YWHAQ: variants seen among roughly 807,000 people sequenced by gnomAD.
YWHAQ encodes the protein tyrosine 3-monooxygenase/tryptophan 5-monooxygenase activation protein theta, also known as 14-3-3 protein theta.
A neutral mutation model predicts 28.3 loss-of-function variants in YWHAQ; 6 were observed. The observed-to-expected ratio is 0.21, with a 90% confidence interval of 0.12 to 0.42. The LOEUF (loss-of-function observed/expected upper bound fraction) is 0.42, where lower values mean the gene tolerates loss of function less well. YWHAQ is among the 10% of genes least tolerant of loss of function. The pLI is 1.00. For synonymous variants in YWHAQ, 143 were observed against 119.1 expected, an observed-to-expected ratio of 1.20 and a Z score of -1.31; for missense variants, 201 against 305.6, an observed-to-expected ratio of 0.66 and a Z score of 2.55.
intron 2 of YWHAQ, among the ~76,000 whole-genome samples, chr2:9,616,796 C>T (rs1667049510): frequency 6.6e-6 from 1 of 152,206 alleles, no homozygotes; most frequent in Non-Finnish European, 1.5e-5. Flanking sequence ...CTTCGGAAAA[C>T]AATCTGGCAG....
At chr2:9,627,742 A>G (rs1207056954) in intron 2 of YWHAQ, among the ~76,000 whole-genome samples, 1 of 152,112 alleles carries the variant, frequency 6.6e-6, no homozygotes, top group East Asian at 1.9e-4. Context: ...ATCTTCTATA[A>G]ATGATGATGG....
intron 2 of YWHAQ, among the ~76,000 whole-genome samples, chr2:9,623,184 A>C (rs907097370): frequency 2.0e-5 from 3 of 152,224 alleles, no homozygotes; most frequent in Non-Finnish European, 4.4e-5. Context: ...CATACATCCA[A>C]TACTGAACAA....
intron 2 of YWHAQ, among the ~76,000 whole-genome samples, chr2:9,618,273 A>G (rs967999786): frequency 2.0e-5 from 3 of 152,240 alleles, no homozygotes; most frequent in Non-Finnish European, 4.4e-5. Context: ...ATTTTAAAAT[A>G]TATGTAAACT....
At chr2:9,608,698 C>T (rs961024592) in intron 2 of YWHAQ, among the ~76,000 whole-genome samples, 1 of 152,194 alleles carries the variant, frequency 6.6e-6, no homozygotes, top group Non-Finnish European at 1.5e-5. Context: ...CCTGTAATCC[C>T]AACATTTTGG....
chr2:9,607,353 C>A (rs1666852280), intron 2 of YWHAQ, among the ~76,000 whole-genome samples: 1 of 151,516 alleles, frequency 6.6e-6, no homozygotes, highest in Non-Finnish European at 1.5e-5. Context: ...AGGCACATAC[C>A]ACCATGCCCA....
chr2:9,630,945 A>C lies in YWHAQ; in HGVS notation c.-87T>G, dbSNP rs1366784041. 6.6e-6 allele frequency: 1 copy of C among 152,484 alleles called. No homozygotes were observed. The highest frequency in any genetic ancestry group is 2.1e-4 in the South Asian group (1 of 4,838). 9.4% of individuals were successfully genotyped at this position (152,484 alleles called of 1,614,324 possible). The stretch of plus-strand genomic sequence containing the variant: ...CGGGCCGACCCAGGCGCTCACCTTC[A>C]CGTCTCCGCGGCCGCGACGCGAGTC... On this transcript the variant is annotated 5_prime_UTR_variant, in exon 1 of 6. Coordinates refer to ENST00000238081, the MANE Select transcript of YWHAQ (RefSeq NM_006826.4). This position sits in a 1 kb window ranked among gnomAD's most constrained non-coding sequence, Gnocchi z 5.6.
rs1211970294 is a variant in YWHAQ, at chr2:9,591,501, T to A, written c.309A>T (p.Lys103Asn). The A allele has an allele frequency of 6.2e-7, 1 of 1,608,804 alleles. No homozygotes were observed. Among genetic ancestry groups the A allele is most frequent in the Non-Finnish European group, 8.5e-7 (1 of 1,176,002 alleles). ...GATTAGTTGCATTGGCTATTAAATA[T>A]TTATCCAACAATTCCTGAAATAAAT... is the stretch of plus-strand genomic sequence containing the variant. ...ICTTVLELLD[K>N]YLIANATNPE... The change falls in exon 3 of 6, where the codon AAA (lysine) becomes AAT (asparagine). Residue 103 changes from lysine to asparagine, a missense_variant. Coordinates refer to ENST00000238081, the MANE Select transcript of YWHAQ (RefSeq NM_006826.4).
chr2:9,593,236 CTTTTTTTTTT>C (rs34085406), intron 2 of YWHAQ, among the ~76,000 whole-genome samples: 3 of 114,962 alleles, frequency 2.6e-5, no homozygotes, highest in Non-Finnish European at 5.2e-5. Context: ...GCATCCATGT[CTTTTTTTTTT>C]TTTTTTTTTT....
intron 2 of YWHAQ, among the ~76,000 whole-genome samples, chr2:9,605,585 G>C (rs1666806686): frequency 6.6e-6 from 1 of 152,148 alleles, no homozygotes; most frequent in African/African-American, 2.4e-5. Flanking sequence ...TTCTGAGACA[G>C]GGTCTCAATG....
intron 2 of YWHAQ, among the ~76,000 whole-genome samples, chr2:9,607,740 C>T (rs1666862111): frequency 7.7e-6 from 1 of 129,732 alleles, no homozygotes; most frequent in Admixed American, 8.3e-5. Flanking sequence ...GAGACAGAGT[C>T]TCAGTCTGTC....
chr2:9,593,731 G>A (rs1229935033), intron 2 of YWHAQ, among the ~76,000 whole-genome samples: 1 of 151,796 alleles, frequency 6.6e-6, no homozygotes, highest in African/African-American at 2.4e-5. Context: ...GGAAGGCTGA[G>A]GCAGAAGGAA....
At chr2:9,602,838 AAAAAAAAAAAAAAAAAAAAAAAAAATAT>A (rs1296368302) in intron 2 of YWHAQ, among the ~76,000 whole-genome samples, 185 of 24,596 alleles carry the variant, frequency 7.5e-3, no homozygotes, top group African/African-American at 0.025. Context: ...TTAAAAAAAA[AAAAAAAAAAAAAAAAAAAAAAAAAATAT>A]ATATATATAT....
intron 2 of YWHAQ, among the ~76,000 whole-genome samples, chr2:9,602,085 A>C (rs1307152444): frequency 2.0e-5 from 3 of 152,206 alleles, no homozygotes; most frequent in African/African-American, 4.8e-5. Flanking sequence ...TAGAGCTTTT[A>C]ATTTGTAAAT....
At chr2:9,613,011 C>G (rs1410021069) in intron 2 of YWHAQ, among the ~76,000 whole-genome samples, 1 of 152,192 alleles carries the variant, frequency 6.6e-6, no homozygotes, top group African/African-American at 2.4e-5. Flanking sequence ...CCTCTCTCAA[C>G]AGACCAACAA....
At chr2:9,620,310 C>A (rs766231582) in intron 2 of YWHAQ, among the ~76,000 whole-genome samples, 1 of 152,138 alleles carries the variant, frequency 6.6e-6, no homozygotes, top group Non-Finnish European at 1.5e-5. Context: ...CAACTGGATA[C>A]TGTAGTAAAA....
At chr2:9,600,792 A>G (rs376403900) in intron 2 of YWHAQ, among the ~76,000 whole-genome samples, 7 of 152,340 alleles carry the variant, frequency 4.6e-5, no homozygotes, top group African/African-American at 1.7e-4. Flanking sequence ...TCTTATTTTA[A>G]GCAATTGCCA....
At chr2:9,586,328 G>A (rs1666343679) in intron 5 of YWHAQ, among the ~76,000 whole-genome samples, 1 of 152,156 alleles carries the variant, frequency 6.6e-6, no homozygotes, top group South Asian at 2.1e-4. Flanking sequence ...GACTATAATT[G>A]CACTTTATTA....
At position 9,591,454 on chromosome 2, in the gene YWHAQ, A is replaced by C; in HGVS notation, c.356T>G (p.Leu119Arg). The stretch of plus-strand genomic sequence containing the variant: ...CCGGAAGTAATCACCCTTCATTTTC[A>C]GATAGAAGACCTTACTCTCTGGATT... ...ATNPESKVFY[L>R]KMKGDYFRYL... Residue 119 changes from leucine (L) to arginine (R), a missense_variant, in exon 3 of 6, where the codon CTG becomes CGG. Physicochemically the swap from Leu to Arg is moderately radical, Grantham distance 102. Around this residue, in one of 2 missense-constraint regions of YWHAQ, gnomAD observed 162 missense variants for 213.9 expected, o/e 0.76. Coordinates refer to ENST00000238081, the MANE Select transcript of YWHAQ (RefSeq NM_006826.4). 6.2e-7 allele frequency: 1 copy of C among 1,613,240 alleles called. No homozygotes were observed. The highest frequency in any genetic ancestry group is 8.5e-7 in the Non-Finnish European group (1 of 1,179,356).
At chr2:9,621,252 T>G (rs1415291658) in intron 2 of YWHAQ, among the ~76,000 whole-genome samples, 1 of 152,190 alleles carries the variant, frequency 6.6e-6, no homozygotes, top group Non-Finnish European at 1.5e-5. Flanking sequence ...ACACAGCATC[T>G]GGTAACTCCA....
Sources: allele counts gnomAD v4.1 joint callset (sites outside exome capture counted in the v4.1 genomes callset), GRCh38; gene constraint gnomAD v4.1.1; regional missense constraint gnomAD v4.1.1; non-coding constraint Gnocchi (gnomAD v3.1); transcripts MANE v1.5; gene names NCBI Gene and HGNC (gene_info 2026-07-23, HGNC 2026-07-21).